The following TTC7B variants were observed in gnomAD, a reference collection of about 807,000 sequenced individuals.
The protein encoded by TTC7B is tetratricopeptide repeat domain 7B, also known as tetratricopeptide repeat protein 7B.
In TTC7B, 28 loss-of-function variants were observed where a neutral mutation model predicts 106.8. That is an observed-to-expected ratio of 0.26 (90% CI 0.19 to 0.36). TTC7B has a LOEUF of 0.36. Ranked by LOEUF, TTC7B falls within the 10% of genes least tolerant of loss-of-function variation. TTC7B has a pLI of 1.00. For synonymous variants in TTC7B, 405 were observed against 430.6 expected, an observed-to-expected ratio of 0.94 and a Z score of 0.74; for missense variants, 862 against 1,076.4, an observed-to-expected ratio of 0.80 and a Z score of 2.79.
intron 15 of TTC7B, among the ~76,000 whole-genome samples, chr14:90,630,015 G>C (rs1166151440): frequency 6.6e-6 from 1 of 152,210 alleles, no homozygotes; most frequent in East Asian, 1.9e-4. Context: ...GTGAAAATGG[G>C]GGGAGGGGTT....
At chr14:90,718,797 C>A (rs74081298) in intron 5 of TTC7B, among the ~76,000 whole-genome samples, 3,621 of 127,768 alleles carry the variant, frequency 0.028, 146 homozygotes, top group African/African-American at 0.093. Context: ...AACTATACAC[C>A]AGACACTGGG....
At chr14:90,548,555 A>G (rs1889934299) in intron 19 of TTC7B, among the ~76,000 whole-genome samples, 1 of 152,220 alleles carries the variant, frequency 6.6e-6, no homozygotes, top group Admixed American at 6.5e-5. Flanking sequence ...TGCCACATTA[A>G]TTGAGGTGGC....
chr14:90,673,275 C>G (rs913816252), intron 9 of TTC7B, among the ~76,000 whole-genome samples: 13 of 152,218 alleles, frequency 8.5e-5, no homozygotes, highest in Admixed American at 6.5e-5. Flanking sequence ...AGTCAACTAT[C>G]TCAGGAGAGC....
chr14:90,635,556 C>T (rs1884897150), intron 15 of TTC7B, among the ~76,000 whole-genome samples: 1 of 150,562 alleles, frequency 6.6e-6, no homozygotes, highest in African/African-American at 2.4e-5. Flanking sequence ...ATCAGGAGAT[C>T]GAGACCATCC....
chr14:90,606,462 A>G (rs961372918), intron 17 of TTC7B, among the ~76,000 whole-genome samples: 3 of 152,252 alleles, frequency 2.0e-5, no homozygotes, highest in Non-Finnish European at 4.4e-5. Context: ...GATATCTATC[A>G]ATTATTAAAG....
intron 7 of TTC7B, among the ~76,000 whole-genome samples, chr14:90,684,346 G>A (rs1280806152): frequency 9.2e-5 from 14 of 151,998 alleles, no homozygotes; most frequent in Non-Finnish European, 1.8e-4. Flanking sequence ...AAAAAAGTAT[G>A]CCTGACTGAC....
chr14:90,609,221 G>A (rs1200343702), intron 17 of TTC7B, among the ~76,000 whole-genome samples: 1 of 152,202 alleles, frequency 6.6e-6, no homozygotes, highest in Non-Finnish European at 1.5e-5. Flanking sequence ...GAGTGGTCAG[G>A]CCACTCCAGG....
At chr14:90,770,362 A>G (rs999295284) in intron 3 of TTC7B, among the ~76,000 whole-genome samples, 1 of 152,226 alleles carries the variant, frequency 6.6e-6, no homozygotes, top group Non-Finnish European at 1.5e-5. Flanking sequence ...CTTAAGAATG[A>G]ATAGAACAAC....
At chr14:90,617,140 C>T (rs967844956) in intron 16 of TTC7B, among the ~76,000 whole-genome samples, 35 of 152,218 alleles carry the variant, frequency 2.3e-4, no homozygotes, top group African/African-American at 4.3e-4. Context: ...CGTTGACTCA[C>T]TTCCCATTGA....
intron 2 of TTC7B, among the ~76,000 whole-genome samples, chr14:90,781,273 A>G (rs1373495546): frequency 6.6e-6 from 1 of 152,134 alleles, no homozygotes; most frequent in African/African-American, 2.4e-5. Flanking sequence ...AGAGTTAGAA[A>G]ACAGATTAGT....
At chr14:90,584,292 C>T (rs542573026) in intron 18 of TTC7B, among the ~76,000 whole-genome samples, 5 of 152,368 alleles carry the variant, frequency 3.3e-5, no homozygotes, top group African/African-American at 4.8e-5. Context: ...CACCCAGAAC[C>T]TCACGCAGGT....
chr14:90,541,833 A>G (rs1889605682), intron 19 of TTC7B, among the ~76,000 whole-genome samples: 1 of 152,276 alleles, frequency 6.6e-6, no homozygotes. Context: ...TGGCAACTTC[A>G]TATGGTTCAT....
intron 5 of TTC7B, among the ~76,000 whole-genome samples, chr14:90,718,047 G>A (rs1888729622): frequency 6.6e-6 from 1 of 152,248 alleles, no homozygotes; most frequent in East Asian, 1.9e-4. Context: ...TCAATGGTCT[G>A]CCCTTGAGGG....
In TTC7B at chr14:90,807,842, A is replaced by G. The variant is rs2030696179; in HGVS notation, c.121+8333T>C. ...CATGCTGCATACCTGCAACACTGGG[A>G]GCTTAAGAATGCAGAACCCCAGCTC... is the stretch of plus-strand genomic sequence containing the variant. On this transcript the variant is annotated intron_variant, in intron 1 of 19. Coordinates refer to ENST00000328459, the MANE Select transcript of TTC7B (RefSeq NM_001010854.2). This position sits in a 1 kb window ranked among gnomAD's most constrained non-coding sequence, Gnocchi z 4.1. Among the ~76,000 whole-genome samples the G allele has an allele frequency of 6.6e-6, 1 of 152,182 alleles. No individual in the cohort carries two copies. Among genetic ancestry groups the G allele is most frequent in the Non-Finnish European group, 1.5e-5 (1 of 68,032 alleles).
At chr14:90,645,554 C>T (rs1885407994) in intron 14 of TTC7B, among the ~76,000 whole-genome samples, 1 of 152,226 alleles carries the variant, frequency 6.6e-6, no homozygotes, top group Non-Finnish European at 1.5e-5. Flanking sequence ...TACATGCCCA[C>T]AAAGGCTGCT....
chr14:90,726,056 G>A (rs1889089740), intron 5 of TTC7B, among the ~76,000 whole-genome samples: 1 of 152,202 alleles, frequency 6.6e-6, no homozygotes, highest in African/African-American at 2.4e-5. Context: ...CAGTGAGCTA[G>A]GATCGTACCA....
At chr14:90,580,231 A>T (rs1346598563) in intron 18 of TTC7B, among the ~76,000 whole-genome samples, 1 of 152,250 alleles carries the variant, frequency 6.6e-6, no homozygotes, top group Non-Finnish European at 1.5e-5. Flanking sequence ...GAATCGCTGA[A>T]TGGATGAAAG....
At chr14:90,715,424 C>T (rs1166182505) in intron 5 of TTC7B, among the ~76,000 whole-genome samples, 1 of 152,052 alleles carries the variant, frequency 6.6e-6, no homozygotes, top group Non-Finnish European at 1.5e-5. Context: ...TCTTGCCTTT[C>T]CCTCTATGGG....
At chr14:90,605,023 C>A (rs1892580114) in intron 17 of TTC7B, among the ~76,000 whole-genome samples, 2 of 152,128 alleles carry the variant, frequency 1.3e-5, no homozygotes, top group South Asian at 4.1e-4. Flanking sequence ...CATAGGGGAG[C>A]AATTTATAAA....
Sources: allele counts gnomAD v4.1 joint callset (sites outside exome capture counted in the v4.1 genomes callset), GRCh38; gene constraint gnomAD v4.1.1; non-coding constraint Gnocchi (gnomAD v3.1); transcripts MANE v1.5; gene names NCBI Gene and HGNC (gene_info 2026-07-23, HGNC 2026-07-21).